LARGE1: variants seen among roughly 807,000 people sequenced by gnomAD.
The protein encoded by LARGE1 is xylosyl- and glucuronyltransferase LARGE1.
In LARGE1, 43 loss-of-function variants were observed where a neutral mutation model predicts 87.6. The observed-to-expected ratio is 0.49, with a 90% CI of 0.38 to 0.63. The LOEUF (loss-of-function observed/expected upper bound fraction) is 0.63. LARGE1 is among the 30% of genes least tolerant of loss of function. LARGE1 has a pLI of 0.00. For missense variants in LARGE1, 802 were observed against 1,000.2 expected (o/e 0.80, Z 2.67); for synonymous variants, 434 against 394.6 (o/e 1.10, Z -1.18).
intron 2 of LARGE1, among the ~76,000 whole-genome samples, chr22:33,713,826 T>C (rs778227266): frequency 6.6e-6 from 1 of 152,092 alleles, no homozygotes; most frequent in Non-Finnish European, 1.5e-5. Flanking sequence ...TATGGTGGCA[T>C]GTGCCTGTGT....
intron 6 of LARGE1, among the ~76,000 whole-genome samples, chr22:33,558,710 G>T (rs1461387374): frequency 6.6e-6 from 1 of 152,186 alleles, no homozygotes; most frequent in East Asian, 1.9e-4. Context: ...AAACTTCAAA[G>T]AGCATTAAAA....
intron 9 of LARGE1, among the ~76,000 whole-genome samples, chr22:33,356,562 A>G (rs1310292828): frequency 6.6e-6 from 1 of 152,176 alleles, no homozygotes; most frequent in Non-Finnish European, 1.5e-5. Flanking sequence ...ACTTGAAGTC[A>G]GGAGTTTGAC....
At chr22:33,471,130 C>CA (rs1458664825) in intron 6 of LARGE1, among the ~76,000 whole-genome samples, 1 of 150,934 alleles carries the variant, frequency 6.6e-6, no homozygotes, top group African/African-American at 2.4e-5. Flanking sequence ...TGGGTTCAAG[C>CA]AATTCTCATG....
intron 2 of LARGE1, among the ~76,000 whole-genome samples, chr22:33,655,884 C>G (rs985540165): frequency 2.6e-5 from 4 of 152,108 alleles, no homozygotes; most frequent in African/African-American, 9.7e-5. Flanking sequence ...GGAGAGAGAA[C>G]TGAGAAAAGC....
chr22:33,302,622 C>CAGTAAGAGAGGCAGAAAG (rs1934314490), intron 12 of LARGE1, among the ~76,000 whole-genome samples: 1 of 152,084 alleles, frequency 6.6e-6, no homozygotes, highest in Non-Finnish European at 1.5e-5. Flanking sequence ...GAGAAAGAGA[C>CAGTAAGAGAGGCAGAAAG]AGAGGCAGTA....
chr22:33,584,498 G>A (rs2078611746), intron 5 of LARGE1, among the ~76,000 whole-genome samples: 1 of 152,204 alleles, frequency 6.6e-6, no homozygotes, highest in Admixed American at 6.5e-5. Context: ...GAGAAGACAT[G>A]AGCTTTTCCT....
chr22:33,527,730 GC>G lies in LARGE1; in HGVS notation c.787+37117del, dbSNP rs1252118631. ...TGACAGCACAAAGAGAAAGTGACTG[GC>G]CCCTTGACCAGAACAAACCATAATA... On this transcript the variant is annotated intron_variant, in intron 6 of 14. Coordinates refer to ENST00000397394, the MANE Select transcript of LARGE1 (RefSeq NM_133642.5). 3.9e-5 allele frequency among the ~76,000 whole-genome samples: 6 copies of G among 152,112 alleles called. 1 individual carries two copies. The East Asian group carries it at 1.2e-3, about 29-fold the overall frequency.
At chr22:33,764,548 A>T (rs563627706) in intron 1 of LARGE1, among the ~76,000 whole-genome samples, 2 of 152,240 alleles carry the variant, frequency 1.3e-5, no homozygotes, top group African/African-American at 4.8e-5. Flanking sequence ...ACCTGAGGTC[A>T]GGAGTTTGAG....
intron 6 of LARGE1, among the ~76,000 whole-genome samples, chr22:33,520,663 GA>G (rs2148503151): frequency 6.6e-6 from 1 of 152,328 alleles, no homozygotes; most frequent in African/African-American, 2.4e-5. Flanking sequence ...CTGACTCCCG[GA>G]AGTGTTCTGC....
intron 11 of LARGE1, among the ~76,000 whole-genome samples, chr22:33,248,148 CA>C (rs1926850268): frequency 6.6e-6 from 1 of 152,004 alleles, no homozygotes; most frequent in Admixed American, 6.6e-5. Flanking sequence ...GAGAAAGATA[CA>C]GAGAGTTTCC....
chr22:33,818,496 G>A (rs895652089), intron 1 of LARGE1, among the ~76,000 whole-genome samples: 8 of 152,182 alleles, frequency 5.3e-5, no homozygotes, highest in African/African-American at 1.9e-4. Context: ...GCACCAGCTT[G>A]TAACTGACCT....
intron 9 of LARGE1, among the ~76,000 whole-genome samples, chr22:33,338,611 CTG>C (rs1938771326): frequency 6.6e-6 from 1 of 152,204 alleles, no homozygotes; most frequent in Admixed American, 6.5e-5. Context: ...GAATGATACA[CTG>C]TCTCATAAAG....
intron 2 of LARGE1, among the ~76,000 whole-genome samples, chr22:33,717,702 A>G (rs2082953851): frequency 6.6e-6 from 1 of 152,250 alleles, no homozygotes; most frequent in African/African-American, 2.4e-5. Flanking sequence ...CAAGAAACCA[A>G]CTAGCACTAT....
At chr22:33,458,130 G>T (rs770780458) in intron 6 of LARGE1, among the ~76,000 whole-genome samples, 5 of 141,308 alleles carry the variant, frequency 3.5e-5, no homozygotes, top group Non-Finnish European at 6.1e-5. Flanking sequence ...TTTTTGAGAT[G>T]GAGTCTCACT....
intron 1 of LARGE1, among the ~76,000 whole-genome samples, chr22:33,765,773 G>C (rs1281254625): frequency 2.0e-5 from 3 of 149,596 alleles, no homozygotes; most frequent in Non-Finnish European, 3.0e-5. Flanking sequence ...AGGAGGATAG[G>C]AACTGAACTC....
chr22:33,796,420 A>C (rs2085985610), intron 1 of LARGE1, among the ~76,000 whole-genome samples: 1 of 152,186 alleles, frequency 6.6e-6, no homozygotes, highest in African/African-American at 2.4e-5. Context: ...CTGGGAGGAC[A>C]CCAGGCAAAG....
chr22:33,646,343 C>T (rs996660452), intron 3 of LARGE1, among the ~76,000 whole-genome samples: 2 of 152,066 alleles, frequency 1.3e-5, no homozygotes, highest in Admixed American at 1.3e-4. Context: ...GAACAGAAAA[C>T]CAAACACCAC....
intron 12 of LARGE1, among the ~76,000 whole-genome samples, chr22:33,290,505 C>A (rs533071454): frequency 2.6e-5 from 4 of 152,250 alleles, no homozygotes; most frequent in South Asian, 2.1e-4. Flanking sequence ...CTGGGAGGGA[C>A]CAAGAAGATT....
intron 1 of LARGE1, among the ~76,000 whole-genome samples, chr22:33,816,709 C>T (rs898266811): frequency 0.018 from 2,754 of 149,048 alleles, 73 homozygotes; most frequent in African/African-American, 0.064. Context: ...GACAGACAGA[C>T]AGACAGACAG....
Sources: allele counts gnomAD v4.1 joint callset (sites outside exome capture counted in the v4.1 genomes callset), GRCh38; gene constraint gnomAD v4.1.1; transcripts MANE v1.5; gene names NCBI Gene and HGNC (gene_info 2026-07-23, HGNC 2026-07-21).